The following STK32A variants were observed in gnomAD, a reference collection of about 807,000 sequenced individuals.
The protein encoded by STK32A is serine/threonine kinase 32A, also known as serine/threonine-protein kinase 32A.
A neutral mutation model predicts 53.2 loss-of-function variants in STK32A; 41 were observed. The observed-to-expected ratio is 0.77, with a 90% CI of 0.60 to 1.00. The LOEUF (loss-of-function observed/expected upper bound fraction) is 1.00. Ranked by LOEUF, STK32A falls within the 50% of genes least tolerant of loss-of-function variation. The pLI is 0.00. For missense variants in STK32A, 458 were observed against 485.8 expected, an observed-to-expected ratio of 0.94 and a Z score of 0.54; for synonymous variants, 166 against 162.8, an observed-to-expected ratio of 1.02 and a Z score of -0.15.
intron 2 of STK32A, among the ~76,000 whole-genome samples, chr5:147,266,665 C>G (rs1193051556): frequency 6.6e-6 from 1 of 152,070 alleles, no homozygotes; most frequent in Non-Finnish European, 1.5e-5. Context: ...TTCATGGAGT[C>G]TATATTCTTG....
intron 1 of STK32A, among the ~76,000 whole-genome samples, chr5:147,238,788 TA>T (rs895787818): frequency 1.4e-5 from 2 of 144,382 alleles, no homozygotes; most frequent in Admixed American, 7.2e-5. Flanking sequence ...ACTCAATATA[TA>T]AAGAGTTATA....
the STK32A span, chr5:147,394,003 T>G: frequency 6.2e-7 from 1 of 1,609,720 alleles, no homozygotes; most frequent in South Asian, 1.1e-5. Flanking sequence ...AATCTCTTCT[T>G]GCTTCTGCCC....
At chr5:147,339,075 CG>C (rs1342383621) in intron 5 of STK32A, among the ~76,000 whole-genome samples, 1 of 152,136 alleles carries the variant, frequency 6.6e-6, no homozygotes, top group African/African-American at 2.4e-5. Context: ...ATGGCCAAGA[CG>C]ATGGGGAAAA....
intron 4 of STK32A, among the ~76,000 whole-genome samples, chr5:147,314,009 C>T (rs540987866): frequency 2.0e-5 from 3 of 151,896 alleles, no homozygotes; most frequent in Non-Finnish European, 4.4e-5. Context: ...ACCTTGTAAT[C>T]ACTAATTGTT....
chr5:147,400,188 C>T, the STK32A span, among the ~76,000 whole-genome samples: 11 of 152,212 alleles, frequency 7.2e-5, no homozygotes, highest in African/African-American at 2.6e-4. Context: ...GTGATGTGAA[C>T]AAGGAAAATA....
chr5:147,264,236 A>G (rs567179333), intron 2 of STK32A, among the ~76,000 whole-genome samples: 2 of 152,360 alleles, frequency 1.3e-5, no homozygotes, highest in Non-Finnish European at 2.9e-5. Context: ...TGCAAGAGCC[A>G]GGAATCTATC....
chr5:147,341,070 A>G (rs1261456972), intron 5 of STK32A, among the ~76,000 whole-genome samples: 1 of 152,216 alleles, frequency 6.6e-6, no homozygotes, highest in Non-Finnish European at 1.5e-5. Context: ...GAAAGCTCAT[A>G]AAATGTCAAA....
rs6884873 is a variant in STK32A, at chr5:147,261,331, T to G, written c.53-16793T>G. 5.5e-3 allele frequency among the ~76,000 whole-genome samples: 837 copies of G among 152,342 alleles called. 3 individuals are homozygous for G. Among genetic ancestry groups the G allele is most frequent in the African/African-American group, 0.019 (777 of 41,576 alleles). On this transcript the variant is annotated intron_variant, in intron 2 of 12. Transcript: ENST00000397936. ...AGATGGAACAATGGTAAGCGCACAC[T>G]TGGACAAGGGAGGGGAAGGGGTTCT...
intron 3 of STK32A, among the ~76,000 whole-genome samples, chr5:147,278,444 C>T (rs1413264056): frequency 2.6e-5 from 4 of 152,170 alleles, no homozygotes; most frequent in African/African-American, 9.7e-5. Flanking sequence ...TAAGGCTTTT[C>T]TCTCTACCCT....
chr5:147,383,840 A>T (rs1165158291), intron 12 of STK32A, 50 bp from the exon 13 acceptor site: 16 of 1,344,704 alleles, frequency 1.2e-5, no homozygotes, highest in Non-Finnish European at 1.3e-5. Context: ...TAAACCTTTC[A>T]TTTTATTTTT....
chr5:147,254,648 C>G (rs1754145789), intron 2 of STK32A, among the ~76,000 whole-genome samples: 1 of 152,138 alleles, frequency 6.6e-6, no homozygotes, highest in East Asian at 1.9e-4. Flanking sequence ...TGTCGTTCCC[C>G]TATTGGCTAG....
chr5:147,329,178 A>G (rs1158913316), intron 5 of STK32A, among the ~76,000 whole-genome samples: 1 of 152,162 alleles, frequency 6.6e-6, no homozygotes, highest in Non-Finnish European at 1.5e-5. Flanking sequence ...ACAGGATGGT[A>G]TTTTTATTTA....
At chr5:147,357,682 C>T (rs778429755) in intron 7 of STK32A, among the ~76,000 whole-genome samples, 16 of 151,948 alleles carry the variant, frequency 1.1e-4, no homozygotes, top group Non-Finnish European at 2.2e-4. Flanking sequence ...GACCTTCTTA[C>T]CAGATTTTAG....
chr5:147,310,938 T>A (rs1753664050), intron 4 of STK32A, among the ~76,000 whole-genome samples: 1 of 152,230 alleles, frequency 6.6e-6, no homozygotes, highest in Non-Finnish European at 1.5e-5. Context: ...CGACAGATTA[T>A]GAAATATGAT....
chr5:147,271,073 G>A (rs1195295294), intron 2 of STK32A, among the ~76,000 whole-genome samples: 1 of 151,738 alleles, frequency 6.6e-6, no homozygotes, highest in Admixed American at 6.6e-5. Flanking sequence ...TTGGCTCACT[G>A]CAATGTCCGC....
intron 5 of STK32A, among the ~76,000 whole-genome samples, chr5:147,331,438 G>C (rs1288938550): frequency 6.6e-6 from 1 of 152,102 alleles, no homozygotes; most frequent in African/African-American, 2.4e-5. Context: ...CCTGTTCTAG[G>C]TATAGACGCT....
At position 147,370,757 on chromosome 5, in the gene STK32A, C is replaced by T. The variant is rs749535396; in HGVS notation, c.764C>T (p.Ser255Leu). The change falls in exon 9 of 13, where the codon TCA (serine) becomes TTA (leucine). Residue 255 changes from serine (S) to leucine (L), a missense_variant. Transcript: ENST00000397936. The stretch of plus-strand genomic sequence containing the variant: ...TCTGCCTGGTCACAGGAAATGGTGT[C>T]ACTTCTTAAAAAGGTAAGAAGGAAG... ...YPSAWSQEMVSLLKKLLEPNP... is the reference protein window; with the variant it reads ...YPSAWSQEMVLLLKKLLEPNP... 4 of 1,609,174 alleles carry T rather than the reference C, an allele frequency of 2.5e-6. No individual in the cohort carries two copies. Among genetic ancestry groups the T allele is most frequent in the East Asian group, 4.5e-5 (2 of 44,810 alleles).
At chr5:147,259,438 A>G (rs1754393088) in intron 2 of STK32A, among the ~76,000 whole-genome samples, 1 of 152,160 alleles carries the variant, frequency 6.6e-6, no homozygotes, top group African/African-American at 2.4e-5. Flanking sequence ...CAGTGCTTTC[A>G]GGCTATGCCC....
chr5:147,300,982 T>G (rs1359457116), intron 4 of STK32A, among the ~76,000 whole-genome samples: 3 of 152,170 alleles, frequency 2.0e-5, no homozygotes, highest in Non-Finnish European at 2.9e-5. Flanking sequence ...CCTCTGAAGG[T>G]TCACTGAGAA....
Sources: allele counts gnomAD v4.1 joint callset (sites outside exome capture counted in the v4.1 genomes callset), GRCh38; gene constraint gnomAD v4.1.1; transcripts MANE v1.5; gene names NCBI Gene and HGNC (gene_info 2026-07-23, HGNC 2026-07-21).